The following PSG4 variants were observed in gnomAD, a reference collection of about 807,000 sequenced individuals.
PSG4 encodes pregnancy-specific beta-1-glycoprotein 4.
In PSG4, 61 loss-of-function variants were observed where a neutral mutation model predicts 44.3. That is an observed-to-expected ratio of 1.38 (90% CI 1.12 to 1.70). The LOEUF is 1.70. Among genes scored for constraint, PSG4 ranks in the 40% most tolerant of loss-of-function variants. PSG4 has a pLI of 0.00. For missense variants in PSG4, 677 were observed against 511.7 expected (o/e 1.32, Z -3.12); for synonymous variants, 248 against 191.3 (o/e 1.30, Z -2.45).
rs748032987 is a variant in PSG4 at position 43,198,617 on chromosome 19, G to T, written c.431-342C>A. The T allele has an allele frequency of 4.4e-5, 13 of 297,568 alleles. 1 individual carries two copies. The highest frequency in any genetic ancestry group is 7.7e-5 in the Non-Finnish European group (13 of 168,220). 18.4% of individuals were successfully genotyped at this position (297,568 alleles called of 1,614,324 possible). A position where few individuals can be genotyped will look rare whatever the true frequency, so the allele number is the denominator to read the frequency against. Reference sequence around the variant, plus strand: ...ACCCACCTTGTGGTCCTCACTTGGAGCATGCAGTGCTGGAATCTTCTTAGT... The same window carrying T: ...ACCCACCTTGTGGTCCTCACTTGGATCATGCAGTGCTGGAATCTTCTTAGT... On this transcript the variant is annotated intron_variant, in intron 2 of 5. Coordinates refer to ENST00000405312, the MANE Select transcript of PSG4 (RefSeq NM_002780.5).
At chr19:43,199,669 T>C (rs60102283) in intron 2 of PSG4, among the ~76,000 whole-genome samples, 1,461 of 145,118 alleles carry the variant, frequency 0.01, 266 homozygotes, top group African/African-American at 0.038. Flanking sequence ...AATTTTCCCG[T>C]AAAAAGTTGT....
chr19:43,194,907 T>C, intron 4 of PSG4, 88 bp downstream of exon 4: 1 of 1,569,668 alleles, frequency 6.4e-7, no homozygotes, highest in African/African-American at 1.4e-5. Flanking sequence ...TGTCTATACT[T>C]GGACTGGAGA....
chr19:43,205,004 C>T lies in PSG4; in HGVS notation c.64+469G>A, dbSNP rs192438132. The stretch of plus-strand genomic sequence containing the variant: ...AGATTTTCCTACCACTTACCAATTC[C>T]GCTTCAATGTGACTTTCCTATTTTG... On this transcript the variant is annotated intron_variant, in intron 1 of 5. Transcript: ENST00000405312. 1.9e-4 allele frequency: 43 copies of T among 227,212 alleles called. 2 individuals carry two copies. Among genetic ancestry groups the T allele is most frequent in the Non-Finnish European group, 2.7e-4 (32 of 120,680 alleles). The allele number at this position is 227,212 out of a possible 1,614,324, so 14.1% of individuals were successfully genotyped here. A position where few individuals can be genotyped will look rare whatever the true frequency, so the allele number is the denominator to read the frequency against.
intron 2 of PSG4, 55 bp downstream of exon 2, chr19:43,203,831 G>A: frequency 1.3e-6 from 2 of 1,563,432 alleles, no homozygotes; most frequent in Non-Finnish European, 1.7e-6. Context: ...CTGTGTGTGT[G>A]AAGTAGAAGT....
At position 43,203,624 on chromosome 19, in the gene PSG4, G is replaced by A. The variant is rs377315934; in HGVS notation, c.430+262C>T. The A allele has an allele frequency of 5.4e-5, 30 of 553,400 alleles. 5 individuals carry two copies. In the East Asian group the frequency reaches 7.7e-4, roughly 14 times the overall value. 34.3% of individuals were successfully genotyped at this position (553,400 alleles called of 1,614,324 possible). ...TGAAGAGGGCATGAGGTGCTTGTCT[G>A]AGACTGATCTCCTCCTGCTGAGTCC... On this transcript the variant is annotated intron_variant, in intron 2 of 5. Transcript: ENST00000405312.
Position 43,198,079 on chromosome 19 carries a change from C to T in PSG4, c.627G>A (p.Lys209=), listed in dbSNP as rs1172676963. Residue 209 remains lysine (K), a synonymous_variant, in exon 3 of 6, where the codon AAG becomes AAA. Transcript: ENST00000405312. ...CACATTCATAGGGTCCTGCAATATA[C>T]TTTGTGACACCAAATATAAAGAGGG... is the stretch of plus-strand genomic sequence containing the variant. ...NRTLFIFGVT[K]YIAGPYECEI... is the part of the protein sequence containing the mutation. The T allele has an allele frequency of 6.3e-7, 1 of 1,587,814 alleles. No homozygotes were observed. Among genetic ancestry groups the T allele is most frequent in the Admixed American group, 1.7e-5 (1 of 58,370 alleles).
At position 43,199,022 on chromosome 19, in the gene PSG4, C is replaced by T. The variant is rs1476207029; in HGVS notation, c.431-747G>A. ...TGTTCTGGGTCCATGATGCTCGCTT[C>T]CCCCTGTAGAGGGCAGGTGAGGACC... On this transcript the variant is annotated intron_variant, in intron 2 of 5. Coordinates refer to ENST00000405312, the MANE Select transcript of PSG4 (RefSeq NM_002780.5). 12 of 146,346 alleles carry T rather than the reference C, an allele frequency of 8.2e-5. 2 individuals are homozygous for T. The highest frequency in any genetic ancestry group is 3.1e-4 in the African/African-American group (12 of 38,278). The allele number at this position is 146,346 out of a possible 1,614,324, so 9.1% of individuals were successfully genotyped here.
At chr19:43,195,977 G>A (rs1296050984) in intron 3 of PSG4, among the ~76,000 whole-genome samples, 1 of 150,832 alleles carries the variant, frequency 6.6e-6, no homozygotes, top group Non-Finnish European at 1.5e-5. Context: ...AGAGCTGGTG[G>A]CTTTGGAGCA....
chr19:43,196,123 G>T (rs1057228924), intron 3 of PSG4, among the ~76,000 whole-genome samples: 1 of 151,714 alleles, frequency 6.6e-6, no homozygotes, highest in Non-Finnish European at 1.5e-5. Context: ...GTGTGGGAAT[G>T]AACTGCTGGA....
At chr19:43,196,048 G>A (rs1405864846) in intron 3 of PSG4, among the ~76,000 whole-genome samples, 1 of 151,366 alleles carries the variant, frequency 6.6e-6, no homozygotes, top group Non-Finnish European at 1.5e-5. Flanking sequence ...GGGCAGGTGA[G>A]GACCATGTGG....
At position 43,193,086 on chromosome 19, in the gene PSG4, G is replaced by C. The variant is rs1434417903; in HGVS notation, c.*286C>G. Reference sequence around the variant, plus strand: ...AGGCATGAGCAAGGACGGTTAAGAGGGGTGGGAGCCTTATCATGATGGGGA... The same window carrying C: ...AGGCATGAGCAAGGACGGTTAAGAGCGGTGGGAGCCTTATCATGATGGGGA... On this transcript the variant is annotated 3_prime_UTR_variant, in exon 6 of 6. Transcript: ENST00000405312. The C allele has an allele frequency of 3.6e-5, 22 of 619,000 alleles. No homozygotes were observed. Among genetic ancestry groups the C allele is most frequent in the Middle Eastern group, 4.2e-4 (1 of 2,354 alleles). The allele number at this position is 619,000 out of a possible 1,614,324, so 38.3% of individuals were successfully genotyped here. A position where few individuals can be genotyped will look rare whatever the true frequency, so the allele number is the denominator to read the frequency against.
chr19:43,193,366 T>C lies in PSG4; in HGVS notation c.*6A>G, dbSNP rs771769400. 2.6e-6 allele frequency: 2 copies of C among 774,686 alleles called. No homozygotes were observed. Among genetic ancestry groups the C allele is most frequent in the Admixed American group, 3.4e-5 (2 of 58,894 alleles). 48.0% of individuals were successfully genotyped at this position (774,686 alleles called of 1,614,324 possible). ...GAGAAAATGGAATTGGAGGAACTAG[T>C]AGAATTCAGGGTAATATCCAGTCTA... On this transcript the variant is annotated 3_prime_UTR_variant, in exon 6 of 6. Coordinates refer to ENST00000405312, the MANE Select transcript of PSG4 (RefSeq NM_002780.5).
chr19:43,201,819 T>TTGTGTGTGTG lies in PSG4; in HGVS notation c.430+2057_430+2066dup, dbSNP rs57230870. Among the ~76,000 whole-genome samples the TTGTGTGTGTG allele has an allele frequency of 6.0e-3, 838 of 139,418 alleles. 82 individuals are homozygous for TTGTGTGTGTG. Among genetic ancestry groups the TTGTGTGTGTG allele is most frequent in the South Asian group, 0.036 (158 of 4,416 alleles). The allele number at this position is 139,418 out of a possible 152,430, so 91.5% of individuals were successfully genotyped here. A position where few individuals can be genotyped will look rare whatever the true frequency, so the allele number is the denominator to read the frequency against. On this transcript the variant is annotated intron_variant, in intron 2 of 5. Transcript: ENST00000405312. The stretch of plus-strand genomic sequence containing the variant: ...ACTAGAAACCAACATTTCAATAATT[T>TTGTGTGTGTG]TGTGTGTGTGTGTGTGTGTGTGCAG...
rs764437048 is a variant in PSG4, at chr19:43,194,998, G to A, written c.985C>T (p.Leu329Phe). Reference sequence around the variant, plus strand: ...CAGAGGAACAAAAGATACTCACAGAGGACATTCAGGGTGACTGGGTCACTG... The same window carrying A: ...CAGAGGAACAAAAGATACTCACAGAAGACATTCAGGGTGACTGGGTCACTG... ...IRSDPVTLNV[L>F]YGPDLPSIYP... Residue 329 changes from leucine to phenylalanine, a missense_variant, in exon 4 of 6, where the codon CTC (leucine) becomes TTC (phenylalanine). Coordinates refer to ENST00000405312, the MANE Select transcript of PSG4 (RefSeq NM_002780.5). 9 of 1,611,260 alleles carry A rather than the reference G, an allele frequency of 5.6e-6. No individual in the cohort carries two copies. Among genetic ancestry groups the A allele is most frequent in the African/African-American group, 4.0e-5 (3 of 74,482 alleles).
chr19:43,200,244 G>A lies in PSG4; in HGVS notation c.431-1969C>T, dbSNP rs1050532629. ...CAACTTATGAAAATGGCATCATCAT[G>A]AGGAAACAGTTGTATGTGGCACAGG... On this transcript the variant is annotated intron_variant, in intron 2 of 5. Coordinates refer to ENST00000405312, the MANE Select transcript of PSG4 (RefSeq NM_002780.5). 2.0e-4 allele frequency among the ~76,000 whole-genome samples: 29 copies of A among 144,830 alleles called. 2 individuals are homozygous for A. Among genetic ancestry groups the A allele is most frequent in the Admixed American group, 6.2e-4 (9 of 14,586 alleles).
In PSG4 at chr19:43,205,498, G is replaced by C. The variant is rs267605522; in HGVS notation, c.39C>G (p.Ile13Met). The change falls in exon 1 of 6, where the codon ATC (isoleucine) becomes ATG (methionine). Residue 13 changes from isoleucine to methionine, a missense_variant. By Grantham distance (10) the Ile-to-Met change is conservative. Coordinates refer to ENST00000405312, the MANE Select transcript of PSG4 (RefSeq NM_002780.5). The part of the protein sequence containing the change: ...PLSAPPCTQR[I>M]TWKGVLLTAS... Reference sequence around the variant, plus strand: ...CTGTGAGCAGGACCCCCTTCCAGGTGATGCGCTGTGTGCAGGGAGGGGCTG... The same window carrying C: ...CTGTGAGCAGGACCCCCTTCCAGGTCATGCGCTGTGTGCAGGGAGGGGCTG... The C allele has an allele frequency of 6.4e-7, 1 of 1,553,892 alleles. No homozygotes were observed. Among genetic ancestry groups the C allele is most frequent in the Non-Finnish European group, 8.7e-7 (1 of 1,148,194 alleles).
rs1967582731 is a variant in PSG4, at chr19:43,202,895, G to T, written c.430+991C>A. Among the ~76,000 whole-genome samples, 2 of 144,660 alleles carry T rather than the reference G, an allele frequency of 1.4e-5. 1 individual carries two copies. Among genetic ancestry groups the T allele is most frequent in the South Asian group, 4.4e-4 (2 of 4,576 alleles). 94.9% of individuals were successfully genotyped at this position (144,660 alleles called of 152,430 possible). A position where few individuals can be genotyped will look rare whatever the true frequency, so the allele number is the denominator to read the frequency against. On this transcript the variant is annotated intron_variant, in intron 2 of 5. Transcript: ENST00000405312. ...AAGCCCTCACTTCTGGTGGAGGAGA[G>T]GAAGGGCCTGTGGCTGCAGACAGAC... is the stretch of plus-strand genomic sequence containing the variant.
chr19:43,203,661 T>A, intron 2 of PSG4: 3 of 779,194 alleles, frequency 3.9e-6, no homozygotes, highest in Non-Finnish European at 5.7e-6. Context: ...CCCATCAGAC[T>A]GTCCTTCCTC....
intron 1 of PSG4, among the ~76,000 whole-genome samples, 176 bp downstream of exon 1, chr19:43,205,297 C>G (rs1230045978): frequency 1.4e-5 from 2 of 142,662 alleles, no homozygotes; most frequent in Non-Finnish European, 3.0e-5. Flanking sequence ...TTAGTAGAGA[C>G]AGGGCTTCAC....
Sources: allele counts gnomAD v4.1 joint callset (sites outside exome capture counted in the v4.1 genomes callset), GRCh38; gene constraint gnomAD v4.1.1; transcripts MANE v1.5; gene names NCBI Gene and HGNC (gene_info 2026-07-23, HGNC 2026-07-21).